Variants in LIPA observed in about 807,000 individuals in gnomAD.
LIPA encodes lipase A, lysosomal acid type, also known as lysosomal acid lipase/cholesteryl ester hydrolase.
LIPA carries 26 observed loss-of-function variants against 40.6 expected under a neutral mutation model. The ratio of observed to expected loss-of-function variants is 0.64; its 90% CI spans 0.47 to 0.89. The LOEUF (loss-of-function observed/expected upper bound fraction) is 0.89, where lower values mean the gene tolerates loss of function less well. LIPA is among the 40% of genes least tolerant of loss of function. The pLI is 0.00. For missense variants in LIPA, 455 were observed against 479.6 expected, an observed-to-expected ratio of 0.95 and a Z score of 0.48; for synonymous variants, 188 against 168.4, an observed-to-expected ratio of 1.12 and a Z score of -0.90.
At chr10:89,339,373 C>T (rs1348460273) in intron 1 of LIPA, 5 of 1,613,826 alleles carry the variant, frequency 3.1e-6, no homozygotes, top group Non-Finnish European at 4.2e-6. Context: ...GTCTCCTTGC[C>T]AAACAGATGT....
chr10:89,375,136 C>G (rs972149336), intron 2 of LIPA, among the ~76,000 whole-genome samples: 1 of 152,258 alleles, frequency 6.6e-6, no homozygotes, highest in Non-Finnish European at 1.5e-5. Flanking sequence ...ATGAGACATG[C>G]TTTCCATGCA....
intron 3 of LIPA, among the ~76,000 whole-genome samples, chr10:89,238,883 T>C (rs1454907205): frequency 6.6e-6 from 1 of 152,220 alleles, no homozygotes; most frequent in East Asian, 1.9e-4. Flanking sequence ...GCAAAAGTTA[T>C]ATGCAGTTTT....
intron 1 of LIPA, among the ~76,000 whole-genome samples, chr10:89,281,134 G>C (rs887870217): frequency 6.6e-6 from 1 of 152,206 alleles, no homozygotes; most frequent in African/African-American, 2.4e-5. Context: ...TTCCCTCCTT[G>C]ACCAAACTTT....
At chr10:89,302,406 AG>A (rs1014178390) in intron 1 of LIPA, among the ~76,000 whole-genome samples, 12 of 152,174 alleles carry the variant, frequency 7.9e-5, no homozygotes, top group African/African-American at 2.4e-4. Context: ...GGCAGCAGAG[AG>A]GGATGATGTT....
At chr10:89,231,629 A>G (rs1329182118) in intron 3 of LIPA, among the ~76,000 whole-genome samples, 1 of 152,194 alleles carries the variant, frequency 6.6e-6, no homozygotes, top group Non-Finnish European at 1.5e-5. Flanking sequence ...GTGTACCACA[A>G]CATCCAGCCA....
intron 1 of LIPA, chr10:89,340,689 A>G (rs1843856967): frequency 6.6e-6 from 1 of 152,000 alleles, no homozygotes; most frequent in Admixed American, 6.6e-5. Flanking sequence ...GATGCTGATT[A>G]GTTCTCAGTT....
chr10:89,345,400 G>A (rs1407871220), upstream of LIPA, among the ~76,000 whole-genome samples: 1 of 151,830 alleles, frequency 6.6e-6, no homozygotes, highest in Non-Finnish European at 1.5e-5. Flanking sequence ...GTGGTGATGG[G>A]TGCCTGTAAT....
intron 1 of LIPA, among the ~76,000 whole-genome samples, chr10:89,304,263 A>C (rs1843463643): frequency 6.7e-6 from 1 of 148,538 alleles, no homozygotes; most frequent in Non-Finnish European, 1.5e-5. Context: ...AACTAACCCC[A>C]GGTGCGGGAG....
intron 2 of LIPA, among the ~76,000 whole-genome samples, chr10:89,410,848 A>C (rs1841462946): frequency 6.6e-6 from 1 of 152,246 alleles, no homozygotes; most frequent in Non-Finnish European, 1.5e-5. Context: ...GAAGAACAGC[A>C]GCATAAGCCA....
intron 2 of LIPA, chr10:89,402,746 T>C (rs766137441): frequency 6.2e-7 from 1 of 1,614,202 alleles, no homozygotes; most frequent in Admixed American, 1.7e-5. Context: ...GAAAAAATTA[T>C]GAACGGGCCA....
Position 89,215,091 on chromosome 10 carries a change from C to T in LIPA, c.967-30G>A, listed in dbSNP as rs750898395. The T allele has an allele frequency of 4.0e-6, 6 of 1,493,408 alleles. No homozygotes were observed. In the Admixed American group the frequency reaches 5.0e-5, roughly 12 times the overall value. 92.5% of individuals were successfully genotyped at this position (1,493,408 alleles called of 1,614,324 possible). ...AATGAAAAGGAACCAGAGAAAGCCT[C>T]GTTGTTGTTGTTGTTTTAATTTTCA... On this transcript the variant is annotated intron_variant, in intron 9 of 9. Coordinates refer to ENST00000336233, the MANE Select transcript of LIPA (RefSeq NM_000235.4).
chr10:89,223,577 CTT>C (rs1842727706), intron 7 of LIPA, 105 bp downstream of exon 7: 3 of 967,058 alleles, frequency 3.1e-6, no homozygotes, highest in Admixed American at 3.8e-5. Flanking sequence ...ATGAAAGACT[CTT>C]TAGAGTTCTG....
chr10:89,354,308 C>CA (rs1386642649), intron 2 of LIPA, among the ~76,000 whole-genome samples: 2 of 152,326 alleles, frequency 1.3e-5, no homozygotes, highest in African/African-American at 2.4e-5. Context: ...GTACATCTTA[C>CA]ATGTACTGAT....
At chr10:89,260,344 A>T (rs1422470114) in intron 1 of LIPA, among the ~76,000 whole-genome samples, 1 of 152,204 alleles carries the variant, frequency 6.6e-6, no homozygotes, top group Non-Finnish European at 1.5e-5. Flanking sequence ...AGGGTTGCAG[A>T]TTCCGAGCTG....
At chr10:89,402,408 T>C in intron 2 of LIPA, 25 of 1,614,170 alleles carry the variant, frequency 1.5e-5, no homozygotes, top group Non-Finnish European at 2.1e-5. Context: ...TCAGATTGAA[T>C]TCCTAGACAC....
chr10:89,221,804 A>G (rs10509568), intron 8 of LIPA, among the ~76,000 whole-genome samples: 29,427 of 152,216 alleles, frequency 0.19, 4,533 homozygotes, highest in East Asian at 0.77. Flanking sequence ...TGTCTTTAAC[A>G]GCATCTTTTT....
intron 5 of LIPA, 94 bp from the exon 6 acceptor site, chr10:89,225,322 G>A (rs77129456): frequency 2.1e-5 from 24 of 1,160,382 alleles, no homozygotes; most frequent in African/African-American, 1.2e-4. Flanking sequence ...CCCTCTCGCG[G>A]AGGCCTGAGA....
chr10:89,224,093 A>G (rs891471226), intron 6 of LIPA, among the ~76,000 whole-genome samples: 1 of 152,240 alleles, frequency 6.6e-6, no homozygotes, highest in African/African-American at 2.4e-5. Context: ...GGACTTCTAC[A>G]GTGGGAAAGG....
upstream of LIPA, among the ~76,000 whole-genome samples, chr10:89,344,391 C>T (rs962721504): frequency 1.6e-4 from 24 of 152,112 alleles, no homozygotes; most frequent in African/African-American, 5.8e-4. Flanking sequence ...GGGGCCTGCA[C>T]GTGGTACATT....
Sources: allele counts gnomAD v4.1 joint callset (sites outside exome capture counted in the v4.1 genomes callset), GRCh38; gene constraint gnomAD v4.1.1; transcripts MANE v1.5; gene names NCBI Gene and HGNC (gene_info 2026-07-23, HGNC 2026-07-21).